Variants in NOL4L observed in about 807,000 individuals in gnomAD.
NOL4L encodes the protein nucleolar protein 4 like.
A neutral mutation model predicts 64.5 loss-of-function variants in NOL4L; 7 were observed. The observed-to-expected ratio is 0.11, with a 90% confidence interval of 0.06 to 0.20. The LOEUF (loss-of-function observed/expected upper bound fraction) is 0.20. NOL4L is among the 10% of genes least tolerant of loss of function. The pLI, the probability that NOL4L is intolerant of heterozygous loss-of-function variation, is 1.00. For synonymous variants in NOL4L, 413 were observed against 401.0 expected (o/e 1.03, Z -0.36); for missense variants, 680 against 967.1 (o/e 0.70, Z 3.94).
At chr20:32,563,595 G>A (rs2145615038) in intron 1 of NOL4L, among the ~76,000 whole-genome samples, 1 of 152,084 alleles carries the variant, frequency 6.6e-6, no homozygotes, top group South Asian at 2.1e-4. Flanking sequence ...GAGCCAGCCA[G>A]CCCAGGCCCA....
At chr20:32,466,425 G>C (rs912795285) in intron 5 of NOL4L, among the ~76,000 whole-genome samples, 5 of 152,202 alleles carry the variant, frequency 3.3e-5, no homozygotes, top group African/African-American at 9.6e-5. Flanking sequence ...CCCTTGGCGG[G>C]CCGGGGCCCA....
intron 1 of NOL4L, among the ~76,000 whole-genome samples, chr20:32,542,934 C>T (rs73248052): frequency 0.011 from 1,635 of 152,234 alleles, 35 homozygotes; most frequent in African/African-American, 0.036. Context: ...ACCGACCTCA[C>T]GGGGTTGTGA....
intron 1 of NOL4L, 119 bp from the exon 2 acceptor site, chr20:32,528,032 G>A (rs188008584): frequency 1.4e-6 from 1 of 705,418 alleles, no homozygotes; most frequent in East Asian, 3.9e-5. Context: ...GTCTTGGGGT[G>A]GGGAGGGGAG....
At chr20:32,511,117 A>C in intron 4 of NOL4L, 7 of 369,856 alleles carry the variant, frequency 1.9e-5, no homozygotes, top group East Asian at 4.4e-5. Context: ...ACCCAAGGGG[A>C]AAGTTTTCTC....
At chr20:32,574,571 G>A (rs1380484611) in intron 1 of NOL4L, among the ~76,000 whole-genome samples, 2 of 152,110 alleles carry the variant, frequency 1.3e-5, no homozygotes, top group Non-Finnish European at 2.9e-5. Context: ...TTCTCGACTC[G>A]CCAGCATCCA....
At chr20:32,466,415 C>T (rs979412710) in intron 5 of NOL4L, among the ~76,000 whole-genome samples, 4 of 152,212 alleles carry the variant, frequency 2.6e-5, no homozygotes, top group Admixed American at 2.6e-4. Context: ...CGTCTCTCAC[C>T]CCTTGGCGGG....
At chr20:32,581,363 C>T (rs1417677836) in intron 1 of NOL4L, among the ~76,000 whole-genome samples, 3 of 152,118 alleles carry the variant, frequency 2.0e-5, no homozygotes, top group Non-Finnish European at 2.9e-5. Flanking sequence ...ACAGATTAAG[C>T]CTTTGTCACA....
At chr20:32,513,867 C>T (rs2017525055) in intron 3 of NOL4L, among the ~76,000 whole-genome samples, 1 of 152,062 alleles carries the variant, frequency 6.6e-6, no homozygotes, top group African/African-American at 2.4e-5. Context: ...AACAAACAAA[C>T]AAAATTATTA....
At chr20:32,565,883 A>G (rs1225503145) in intron 1 of NOL4L, among the ~76,000 whole-genome samples, 1 of 151,784 alleles carries the variant, frequency 6.6e-6, no homozygotes, top group Non-Finnish European at 1.5e-5. Flanking sequence ...ACAAACAAAC[A>G]AAAACAGAAG....
chr20:32,566,925 A>T (rs1979467257), intron 1 of NOL4L, among the ~76,000 whole-genome samples: 1 of 152,214 alleles, frequency 6.6e-6, no homozygotes, highest in Non-Finnish European at 1.5e-5. Context: ...TAGAGTGTCT[A>T]GGACAGAGCA....
chr20:32,456,088 G>A, intron 6 of NOL4L, 30 bp downstream of exon 6: 3 of 1,469,034 alleles, frequency 2.0e-6, no homozygotes, highest in Non-Finnish European at 2.7e-6. Flanking sequence ...TTTACAGAAA[G>A]AAATGGACTC....
rs1416881529 is a variant in NOL4L at position 32,452,908 on chromosome 20, A to C, written c.1596T>G (p.Arg532=). The C allele has an allele frequency of 3.1e-6, 5 of 1,613,788 alleles. No homozygotes were observed. Among genetic ancestry groups the C allele is most frequent in the Non-Finnish European group, 4.2e-6 (5 of 1,179,966 alleles). Residue 532 remains arginine (R), a synonymous_variant, in exon 9 of 11, where the codon CGT becomes CGG. Coordinates refer to ENST00000621426, the MANE Select transcript of NOL4L (RefSeq NM_001256798.2). ...SETRKAAKRM[R]LEIYQSSQDE... is the part of the protein sequence containing the mutation. ...CCTGTGAGGACTGGTAGATCTCTAG[A>C]CGCATCCGCTTGGCTGCCTTTCTTG... is the stretch of plus-strand genomic sequence containing the variant.
chr20:32,472,006 A>G (rs117499280), intron 5 of NOL4L, among the ~76,000 whole-genome samples: 119 of 152,310 alleles, frequency 7.8e-4, no homozygotes, highest in Middle Eastern at 3.4e-3. Flanking sequence ...ATTCCTTTAT[A>G]GCAACACCAA....
At chr20:32,489,494 A>G (rs970129874) in intron 4 of NOL4L, among the ~76,000 whole-genome samples, 17 of 152,000 alleles carry the variant, frequency 1.1e-4, no homozygotes, top group Non-Finnish European at 2.4e-4. Flanking sequence ...TGCTGGAATT[A>G]CAGGCATGTG....
chr20:32,569,876 A>G (rs977330287), intron 1 of NOL4L, among the ~76,000 whole-genome samples: 2 of 152,328 alleles, frequency 1.3e-5, no homozygotes, highest in African/African-American at 4.8e-5. Context: ...GGTACATAGC[A>G]GGCACCAATC....
At chr20:32,521,710 G>C (rs2017943392) in intron 2 of NOL4L, among the ~76,000 whole-genome samples, 1 of 152,216 alleles carries the variant, frequency 6.6e-6, no homozygotes, top group African/African-American at 2.4e-5. Flanking sequence ...GTGGCTGTGG[G>C]CCTAGGTGTC....
At chr20:32,488,831 CT>C (rs1568648866) in intron 4 of NOL4L, among the ~76,000 whole-genome samples, 8 of 34,830 alleles carry the variant, frequency 2.3e-4, no homozygotes, top group African/African-American at 1.8e-3. Context: ...CTTTCTTTTT[CT>C]TTCTTTCTTT....
At chr20:32,489,381 G>A (rs1465242831) in intron 4 of NOL4L, among the ~76,000 whole-genome samples, 3 of 151,342 alleles carry the variant, frequency 2.0e-5, no homozygotes, top group South Asian at 2.1e-4. Context: ...TTGAAACAGG[G>A]TCTCACTCTG....
chr20:32,473,827 C>T (rs536639216), intron 5 of NOL4L, among the ~76,000 whole-genome samples: 1 of 152,322 alleles, frequency 6.6e-6, no homozygotes, highest in East Asian at 1.9e-4. Flanking sequence ...CTCATCCCTG[C>T]CCCCAACCAT....
Sources: allele counts gnomAD v4.1 joint callset (sites outside exome capture counted in the v4.1 genomes callset), GRCh38; gene constraint gnomAD v4.1.1; transcripts MANE v1.5; gene names NCBI Gene and HGNC (gene_info 2026-07-23, HGNC 2026-07-21).